Variants in PSMD1 observed in about 807,000 individuals in gnomAD.
PSMD1 encodes 26S proteasome non-ATPase regulatory subunit 1.
PSMD1 carries 18 observed loss-of-function variants against 119.0 expected under a neutral mutation model. The ratio of observed to expected loss-of-function variants is 0.15; its 90% CI spans 0.10 to 0.22. PSMD1 has a LOEUF of 0.22. Among genes scored for constraint, PSMD1 ranks in the 10% least tolerant of loss-of-function variants. The probability of loss-of-function intolerance (pLI) is 1.00; values close to 1 mark genes in which losing one functional copy is unlikely to be tolerated. For missense variants in PSMD1, 702 were observed against 1,158.5 expected (o/e 0.61, Z 5.72); for synonymous variants, 374 against 396.6 (o/e 0.94, Z 0.68).
intron 16 of PSMD1, among the ~76,000 whole-genome samples, chr2:231,128,685 G>T (rs1310649206): frequency 6.6e-6 from 1 of 152,120 alleles, no homozygotes; most frequent in Non-Finnish European, 1.5e-5. Flanking sequence ...TATGAAGTCT[G>T]TGTTGCTTCC....
At position 231,072,178 on chromosome 2, in the gene PSMD1, C is replaced by G. The variant is rs1193613780; in HGVS notation, c.655-11C>G. 6.3e-7 allele frequency: 1 copy of G among 1,587,576 alleles called. No homozygotes were observed. Among genetic ancestry groups the G allele is most frequent in the Non-Finnish European group, 8.6e-7 (1 of 1,156,606 alleles). On this transcript the variant is annotated splice_polypyrimidine_tract_variant and intron_variant, in intron 6 of 24. Transcript: ENST00000308696. ...TAATTATTGAATAATTGTTCTTTAT[C>G]TCCATTTCAGTGCTTAATTTTCTTA...
At chr2:231,169,594 G>C (rs1696867198) in intron 23 of PSMD1, among the ~76,000 whole-genome samples, 1 of 152,160 alleles carries the variant, frequency 6.6e-6, no homozygotes, top group Non-Finnish European at 1.5e-5. Context: ...AGTAAAAATT[G>C]GATTAGGTTG....
intron 16 of PSMD1, among the ~76,000 whole-genome samples, chr2:231,099,038 A>G (rs189890555): frequency 6.3e-4 from 96 of 152,250 alleles, no homozygotes; most frequent in Non-Finnish European, 1.1e-3. Context: ...TGGGATGGTA[A>G]TTCCTAAGAG....
Position 231,080,282 on chromosome 2 carries a change from C to G in PSMD1, c.1381C>G (p.Leu461Val). The G allele has an allele frequency of 6.2e-7, 1 of 1,611,618 alleles. No homozygotes were observed. The highest frequency in any genetic ancestry group is 8.5e-7 in the Non-Finnish European group (1 of 1,178,688). The change falls in exon 12 of 25, where the codon CTG (leucine) becomes GTG (valine). Residue 461 changes from leucine to valine, a missense_variant. Transcript: ENST00000308696. ...TCATGGTGGTGATATAATTGACTAT[C>G]TGCTTAATCAGCTTAAGAACGCCAG... is the stretch of plus-strand genomic sequence containing the variant. ...ANHGGDIIDY[L>V]LNQLKNASND...
chr2:231,093,747 G>C (rs1004008044), intron 16 of PSMD1, among the ~76,000 whole-genome samples: 18 of 152,046 alleles, frequency 1.2e-4, no homozygotes, highest in Non-Finnish European at 2.1e-4. Context: ...GTGTTGCCAG[G>C]TTCTTACCCA....
intron 16 of PSMD1, chr2:231,113,734 G>T: frequency 6.2e-7 from 1 of 1,613,348 alleles, no homozygotes; most frequent in South Asian, 1.1e-5. Context: ...CATACCTATT[G>T]AAATTAACCA....
At chr2:231,107,391 G>T (rs1227439595) in intron 16 of PSMD1, among the ~76,000 whole-genome samples, 1 of 152,164 alleles carries the variant, frequency 6.6e-6, no homozygotes, top group East Asian at 1.9e-4. Context: ...AAAAGGAAAA[G>T]CTAAGGTATG....
chr2:231,165,196 C>T lies in PSMD1; in HGVS notation c.2482-4C>T. ...ACAACAGTTTACCCTGCTCATTTCCCCAGGTTTCTACTGCTGTATTATCTA... is the reference window on the plus strand; with the variant it reads ...ACAACAGTTTACCCTGCTCATTTCCTCAGGTTTCTACTGCTGTATTATCTA... On this transcript the variant is annotated splice_polypyrimidine_tract_variant and splice_region_variant and intron_variant, in intron 21 of 24. Transcript: ENST00000308696. 6.3e-7 allele frequency: 1 copy of T among 1,597,822 alleles called. No homozygotes were observed. Among genetic ancestry groups the T allele is most frequent in the Non-Finnish European group, 8.5e-7 (1 of 1,170,888 alleles).
rs1174198196 is a variant in PSMD1, at chr2:231,083,048, AATT to A, written c.1525+56_1525+58del. ...CTTAAGTATTAATTAATGTAAATGT[AATT>A]ACATTAGTTTCTACCTATATTTTGT... On this transcript the variant is annotated intron_variant, in intron 13 of 24. Transcript: ENST00000308696. The A allele has an allele frequency of 1.8e-5, 24 of 1,305,160 alleles. No individual in the cohort carries two copies. The Admixed American group carries it at 3.8e-4, about 21-fold the overall frequency. 80.8% of individuals were successfully genotyped at this position (1,305,160 alleles called of 1,614,324 possible). A position where few individuals can be genotyped will look rare whatever the true frequency, so the allele number is the denominator to read the frequency against.
intron 22 of PSMD1, 84 bp from the exon 23 acceptor site, chr2:231,165,787 C>T (rs1236940712): frequency 8.3e-7 from 1 of 1,212,056 alleles, no homozygotes; most frequent in African/African-American, 1.6e-5. Context: ...TACCTTATAG[C>T]TGCTCAGTCA....
In PSMD1 at chr2:231,057,058, G is replaced by C. The variant is rs1433718156; in HGVS notation, c.16+17G>C. 1 of 1,515,982 alleles carries C rather than the reference G, an allele frequency of 6.6e-7. No individual in the cohort carries two copies. The highest frequency in any genetic ancestry group is 1.2e-5 in the South Asian group (1 of 82,090). The allele number at this position is 1,515,982 out of a possible 1,614,324, so 93.9% of individuals were successfully genotyped here. On this transcript the variant is annotated intron_variant, in intron 1 of 24. Transcript: ENST00000308696. ...CCTCGGCCGGTGAGTGCGGCCCGTA[G>C]CCAGCGCCTGGAGGGAGGAGCCGCC...
At chr2:231,151,328 A>C (rs1334193313) in intron 18 of PSMD1, among the ~76,000 whole-genome samples, 2 of 152,160 alleles carry the variant, frequency 1.3e-5, no homozygotes, top group Non-Finnish European at 2.9e-5. Flanking sequence ...CTAGATGTGA[A>C]TAGAGGGAGT....
chr2:231,118,396 A>C (rs1695416981), intron 16 of PSMD1, among the ~76,000 whole-genome samples: 1 of 152,176 alleles, frequency 6.6e-6, no homozygotes, highest in Admixed American at 6.5e-5. Context: ...TAAAACTTTA[A>C]GCTGTACTTT....
chr2:231,115,203 A>AG (rs1415332262), intron 16 of PSMD1, among the ~76,000 whole-genome samples: 1 of 151,922 alleles, frequency 6.6e-6, no homozygotes, highest in Non-Finnish European at 1.5e-5. Context: ...AAAAAAAAAA[A>AG]GCATAATTTA....
At chr2:231,059,506 A>G (rs759330959) in intron 1 of PSMD1, among the ~76,000 whole-genome samples, 3 of 152,260 alleles carry the variant, frequency 2.0e-5, no homozygotes, top group Admixed American at 6.5e-5. Context: ...AGAGAGAGAG[A>G]GGTGCTTCCA....
At chr2:231,077,006 T>C in intron 8 of PSMD1, 28 bp from the exon 9 acceptor site, 1 of 1,583,122 alleles carries the variant, frequency 6.3e-7, no homozygotes, top group Non-Finnish European at 8.6e-7. Context: ...TTTATGAGTT[T>C]TCATTTTTTT....
At chr2:231,091,102 CG>C (rs1683750781) in intron 16 of PSMD1, among the ~76,000 whole-genome samples, 1 of 152,028 alleles carries the variant, frequency 6.6e-6, no homozygotes, top group Admixed American at 6.6e-5. Flanking sequence ...GCACTAGGGC[CG>C]AAGAGAGTTA....
At chr2:231,109,421 G>C in intron 16 of PSMD1, 1 of 1,611,808 alleles carries the variant, frequency 6.2e-7, no homozygotes, top group Non-Finnish European at 8.5e-7. Flanking sequence ...TAAGGAAGAG[G>C]AAAACAAGAT....
intron 16 of PSMD1, among the ~76,000 whole-genome samples, chr2:231,099,284 C>T (rs986043662): frequency 6.6e-6 from 1 of 152,166 alleles, no homozygotes; most frequent in Non-Finnish European, 1.5e-5. Context: ...GAGGGCAGGT[C>T]TTTGCCTCCA....
Sources: gnomAD v4.1 joint callset for allele counts (sites outside exome capture counted in the v4.1 genomes callset) on GRCh38, gnomAD v4.1.1 for gene constraint, MANE v1.5 for transcripts, NCBI Gene and HGNC (gene_info 2026-07-23, HGNC 2026-07-21) for gene names.